TYW1: variants seen among roughly 807,000 people sequenced by gnomAD.
The protein encoded by TYW1 is tRNA-yW synthesizing protein 1 homolog.
TYW1 carries 46 observed loss-of-function variants against 96.2 expected under a neutral mutation model. The ratio of observed to expected loss-of-function variants is 0.48; its 90% CI spans 0.38 to 0.61. The LOEUF (loss-of-function observed/expected upper bound fraction) is 0.61, where lower values mean the gene tolerates loss of function less well. Ranked by LOEUF, TYW1 falls within the 20% of genes least tolerant of loss-of-function variation. The pLI, the probability that TYW1 is intolerant of heterozygous loss-of-function variation, is 0.00. For missense variants in TYW1, 684 were observed against 909.6 expected, an observed-to-expected ratio of 0.75 and a Z score of 3.19; for synonymous variants, 274 against 323.0, an observed-to-expected ratio of 0.85 and a Z score of 1.63.
chr7:67,172,971 A>G (rs1298240827), intron 13 of TYW1, among the ~76,000 whole-genome samples: 1 of 151,816 alleles, frequency 6.6e-6, no homozygotes, highest in African/African-American at 2.4e-5. Context: ...AGTAAAAAAA[A>G]TTAACTGGGT....
chr7:67,135,302 G>GTTTTTGTTTTTT (rs1285318169), intron 13 of TYW1, among the ~76,000 whole-genome samples: 1 of 111,814 alleles, frequency 8.9e-6, no homozygotes, highest in African/African-American at 3.8e-5. Context: ...TGTTAAAACA[G>GTTTTTGTTTTTT]TTTTTTTTTT....
intron 3 of TYW1, among the ~76,000 whole-genome samples, chr7:67,008,570 T>G (rs1793680933): frequency 6.6e-6 from 1 of 152,226 alleles, no homozygotes; most frequent in African/African-American, 2.4e-5. Flanking sequence ...GGGGTTCTGT[T>G]AGCCCTGTGA....
chr7:67,063,152 A>G (rs1329631209), intron 9 of TYW1, among the ~76,000 whole-genome samples: 1 of 152,194 alleles, frequency 6.6e-6, no homozygotes, highest in African/African-American at 2.4e-5. Flanking sequence ...TTTAAAAACC[A>G]AAGCAATCCA....
chr7:67,090,294 G>C (rs1796674744), intron 11 of TYW1, among the ~76,000 whole-genome samples: 1 of 152,180 alleles, frequency 6.6e-6, no homozygotes, highest in East Asian at 1.9e-4. Flanking sequence ...GCAGGTCGTT[G>C]GGAAGATTTT....
intron 10 of TYW1, 72 bp downstream of exon 10, chr7:67,067,475 C>T (rs1173089061): frequency 6.5e-6 from 10 of 1,535,382 alleles, no homozygotes; most frequent in Non-Finnish European, 8.1e-6. Flanking sequence ...CCAGCTCACA[C>T]TCAGACTTAC....
chr7:67,137,464 A>G (rs551830659), intron 13 of TYW1, among the ~76,000 whole-genome samples: 15 of 152,216 alleles, frequency 9.9e-5, no homozygotes, highest in African/African-American at 3.6e-4. Context: ...AAAAAAATAA[A>G]TAAAATAAAA....
Position 67,114,909 on chromosome 7 carries a change from A to G in TYW1, c.1563-2574A>G, listed in dbSNP as rs371309953. ...CTCCATTCTTCCTCTGCTCCTTGAC[A>G]AGAGATCTGTAGACTTCCTTGAGTG... On this transcript the variant is annotated intron_variant, in intron 12 of 15. Transcript: ENST00000359626. Among the ~76,000 whole-genome samples the G allele has an allele frequency of 3.8e-3, 581 of 152,134 alleles. 6 individuals are homozygous for G. The highest frequency in any genetic ancestry group is 0.013 in the African/African-American group (539 of 41,512).
intron 15 of TYW1, among the ~76,000 whole-genome samples, chr7:67,221,489 A>G (rs1801389531): frequency 6.6e-6 from 1 of 152,198 alleles, no homozygotes; most frequent in African/African-American, 2.4e-5. Flanking sequence ...TATTCATCGA[A>G]AATAATGACC....
chr7:67,011,065 T>A (rs1323245612), intron 4 of TYW1, among the ~76,000 whole-genome samples: 1 of 152,124 alleles, frequency 6.6e-6, no homozygotes, highest in East Asian at 1.9e-4. Flanking sequence ...TTAATGGAGT[T>A]TCGCTCTTGT....
chr7:67,081,295 G>C (rs10242180), intron 10 of TYW1, among the ~76,000 whole-genome samples: 1 of 148,302 alleles, frequency 6.7e-6, no homozygotes, highest in Non-Finnish European at 1.5e-5. Context: ...TTTCTGCTGA[G>C]AAATCTGCTG....
intron 13 of TYW1, among the ~76,000 whole-genome samples, chr7:67,144,482 G>GT (rs11443807): frequency 0.26 from 39,409 of 151,628 alleles, 5,625 homozygotes; most frequent in African/African-American, 0.38. Flanking sequence ...GTTTTGTTTT[G>GT]TTTTTTTGAG....
At chr7:67,019,203 G>T in intron 6 of TYW1, among the ~76,000 whole-genome samples, 1 of 152,168 alleles carries the variant, frequency 6.6e-6, no homozygotes, top group Admixed American at 6.6e-5. Context: ...ACTCAGAAGT[G>T]CTCTACAGGC....
chr7:67,074,197 GATT>G (rs1249273705), intron 10 of TYW1, among the ~76,000 whole-genome samples: 1 of 152,148 alleles, frequency 6.6e-6, no homozygotes, highest in Non-Finnish European at 1.5e-5. Context: ...TTAGCCATAT[GATT>G]ATGTAGACTG....
intron 3 of TYW1, among the ~76,000 whole-genome samples, chr7:67,009,232 A>G (rs1331123650): frequency 6.6e-6 from 1 of 152,144 alleles, no homozygotes; most frequent in Non-Finnish European, 1.5e-5. Context: ...GCTTGGCCTC[A>G]AGTGATCCTC....
chr7:67,043,411 A>G (rs1330011454), intron 7 of TYW1, among the ~76,000 whole-genome samples: 2 of 150,752 alleles, frequency 1.3e-5, no homozygotes, highest in Non-Finnish European at 2.9e-5. Context: ...TAATCCCCAC[A>G]GCAATGTTCT....
intron 11 of TYW1, 133 bp downstream of exon 11, chr7:67,083,672 A>G (rs1319058366): frequency 1.0e-6 from 1 of 961,244 alleles, no homozygotes; most frequent in African/African-American, 1.7e-5. Flanking sequence ...AAAACTTTGT[A>G]GGAATATTAT....
At chr7:67,107,860 C>T (rs1284471092) in intron 12 of TYW1, among the ~76,000 whole-genome samples, 1 of 149,250 alleles carries the variant, frequency 6.7e-6, no homozygotes, top group Non-Finnish European at 1.5e-5. Flanking sequence ...GCCACCATGC[C>T]TGGCCAAGAT....
intron 13 of TYW1, among the ~76,000 whole-genome samples, chr7:67,126,227 C>T (rs760148542): frequency 6.8e-6 from 1 of 147,626 alleles, no homozygotes; most frequent in African/African-American, 2.6e-5. Context: ...TTGCATTCCC[C>T]TGATGACAGG....
chr7:67,004,203 G>T (rs1456045695), intron 3 of TYW1, among the ~76,000 whole-genome samples: 1 of 152,192 alleles, frequency 6.6e-6, no homozygotes, highest in African/African-American at 2.4e-5. Context: ...GATTAGGACA[G>T]TCATCTCACC....
Sources: allele counts gnomAD v4.1 joint callset (sites outside exome capture counted in the v4.1 genomes callset), GRCh38; gene constraint gnomAD v4.1.1; transcripts MANE v1.5; gene names NCBI Gene and HGNC (gene_info 2026-07-23, HGNC 2026-07-21).